Variants in VRK3 observed in about 807,000 individuals in gnomAD.
VRK3 encodes VRK serine/threonine kinase 3, also known as serine/threonine-protein kinase VRK3.
In VRK3, 50 loss-of-function variants were observed where a neutral mutation model predicts 60.4. The ratio of observed to expected loss-of-function variants is 0.83; its 90% confidence interval spans 0.66 to 1.05. The LOEUF (loss-of-function observed/expected upper bound fraction) is 1.05. Ranked by LOEUF, VRK3 falls within the 50% of genes least tolerant of loss-of-function variation. VRK3 has a pLI of 0.00. For missense variants in VRK3, 549 were observed against 585.3 expected (o/e 0.94, Z 0.64); for synonymous variants, 246 against 227.8 (o/e 1.08, Z -0.72).
intron 3 of VRK3, among the ~76,000 whole-genome samples, chr19:50,011,183 G>A (rs1332894288): frequency 6.6e-6 from 1 of 152,106 alleles, no homozygotes; most frequent in African/African-American, 2.4e-5. Context: ...ACAGCCCCAG[G>A]ACAAATAACA....
chr19:49,985,065 C>G (rs2076488943), intron 12 of VRK3, among the ~76,000 whole-genome samples: 1 of 152,124 alleles, frequency 6.6e-6, no homozygotes, highest in Non-Finnish European at 1.5e-5. Context: ...AGTGAACCCT[C>G]CCTCATGGAA....
chr19:50,006,657 G>A (rs58558256), intron 5 of VRK3, among the ~76,000 whole-genome samples: 7,991 of 152,194 alleles, frequency 0.053, 696 homozygotes, highest in African/African-American at 0.18. Flanking sequence ...TTACAGGCGT[G>A]AGCCACCGCG....
In VRK3 at chr19:50,000,990, G is replaced by A. The variant is rs180780678; in HGVS notation, c.548-136C>T. The A allele has an allele frequency of 1.0e-4, 74 of 710,040 alleles. No individual in the cohort carries two copies. The African/African-American group carries it at 1.2e-3, about 12-fold the overall frequency. The allele number at this position is 710,040 out of a possible 1,614,324, so 44.0% of individuals were successfully genotyped here. On this transcript the variant is annotated intron_variant, in intron 5 of 14. Coordinates refer to ENST00000316763, the MANE Select transcript of VRK3 (RefSeq NM_016440.4). ...GGTCAAGCGCACTCTTGGCTCTCACGACTTGCTGCTTCCTAGTTTTAAATA... is the reference window on the plus strand; with the variant it reads ...GGTCAAGCGCACTCTTGGCTCTCACAACTTGCTGCTTCCTAGTTTTAAATA...
At chr19:50,006,563 G>C (rs563937363) in intron 5 of VRK3, among the ~76,000 whole-genome samples, 110 of 152,046 alleles carry the variant, frequency 7.2e-4, no homozygotes, top group Middle Eastern at 3.4e-3. Context: ...TTTTAGTAGA[G>C]ACAGGGTTTC....
rs1048822644 is a variant in VRK3, at chr19:49,992,715, A to G, written c.963+145T>C. On this transcript the variant is annotated intron_variant, in intron 10 of 14. Coordinates refer to ENST00000316763, the MANE Select transcript of VRK3 (RefSeq NM_016440.4). ...TGTCCATTTTCCTACTAAGTTGCTT[A>G]TCTTATTTATTTGAAGGAGCTCTTT... 4.4e-6 allele frequency: 3 copies of G among 680,816 alleles called. No homozygotes were observed. The Admixed American group carries it at 8.1e-5, about 18-fold the overall frequency. The allele number at this position is 680,816 out of a possible 1,614,324, so 42.2% of individuals were successfully genotyped here.
rs776323496 is a variant in VRK3 at position 50,000,780 on chromosome 19, G to GT, written c.612+9_612+10insA. 8 of 1,611,216 alleles carry GT rather than the reference G, an allele frequency of 5.0e-6. No homozygotes were observed. The highest frequency in any genetic ancestry group is 5.9e-6 in the Non-Finnish European group (7 of 1,178,796). On this transcript the variant is annotated intron_variant, in intron 6 of 14. Coordinates refer to ENST00000316763, the MANE Select transcript of VRK3 (RefSeq NM_016440.4). The stretch of plus-strand genomic sequence containing the variant: ...CCTCCAAGCTGCCCCCCACCTGCAG[G>GT]GTCACTTACCAGTTTGAGTGAGAAC...
rs376706450 is a variant in VRK3 at position 49,989,634 on chromosome 19, C to T, written c.1096+5G>A. ...GCGGTCCCAAACCCATCCCTGGCCT[C>T]GTACCGCATCCCTTGTGCAGGTCCA... On this transcript the variant is annotated splice_donor_5th_base_variant and intron_variant, in intron 11 of 14. Coordinates refer to ENST00000316763, the MANE Select transcript of VRK3 (RefSeq NM_016440.4). 1.6e-5 allele frequency: 26 copies of T among 1,604,580 alleles called. No individual in the cohort carries two copies. The highest frequency in any genetic ancestry group is 6.7e-5 in the East Asian group (3 of 44,524).
At chr19:50,010,093 T>C (rs1050368197) in intron 3 of VRK3, among the ~76,000 whole-genome samples, 3 of 152,008 alleles carry the variant, frequency 2.0e-5, no homozygotes, top group Non-Finnish European at 2.9e-5. Flanking sequence ...CATACAATGA[T>C]TGTGTGTATA....
In VRK3 at chr19:49,992,943, G is replaced by A. The variant is rs763836129; in HGVS notation, c.880C>T (p.Leu294=). The change falls in exon 10 of 15, where the codon CTG becomes TTG. Residue 294 remains leucine (L), a synonymous_variant. Coordinates refer to ENST00000316763, the MANE Select transcript of VRK3 (RefSeq NM_016440.4). ...LQVACRLLDA[L]EFLHENEYVH... ...TACTCATTCTCATGGAGGAACTCCA[G>A]GGCATCCAGCTGGGGGAAGAAGCAA... 1.2e-6 allele frequency: 2 copies of A among 1,612,310 alleles called. No homozygotes were observed. Among genetic ancestry groups the A allele is most frequent in the Non-Finnish European group, 1.7e-6 (2 of 1,179,988 alleles).
At chr19:50,010,919 A>G (rs961089606) in intron 3 of VRK3, among the ~76,000 whole-genome samples, 2 of 152,106 alleles carry the variant, frequency 1.3e-5, no homozygotes, top group Middle Eastern at 3.4e-3. Context: ...TCTCAAAACA[A>G]AAACAAAAAC....
chr19:50,015,974 T>C (rs1469694), intron 3 of VRK3, 50 bp downstream of exon 3: 318,266 of 1,611,630 alleles, frequency 0.2, 33,450 homozygotes, highest in African/African-American at 0.34. Flanking sequence ...CACACACGTG[T>C]ATGCACCTTA....
At chr19:49,978,877 A>G (rs908079792) in intron 14 of VRK3, 9 of 468,662 alleles carry the variant, frequency 1.9e-5, no homozygotes, top group Non-Finnish European at 2.9e-5. Flanking sequence ...ACTTTTCTTA[A>G]AGCCAAGTTG....
intron 13 of VRK3, 115 bp downstream of exon 13, chr19:49,980,840 C>A (rs888543409): frequency 5.6e-6 from 5 of 886,578 alleles, no homozygotes; most frequent in Non-Finnish European, 8.6e-6. Context: ...ATTACAAATG[C>A]AATTTGGAAA....
chr19:50,024,303 A>G (rs912772748), intron 1 of VRK3, among the ~76,000 whole-genome samples: 3 of 152,234 alleles, frequency 2.0e-5, no homozygotes, highest in African/African-American at 4.8e-5. Context: ...GCAACTCTCC[A>G]TAAGTATATG....
At chr19:50,004,070 G>A (rs75665336) in intron 5 of VRK3, among the ~76,000 whole-genome samples, 6,022 of 152,278 alleles carry the variant, frequency 0.04, 232 homozygotes, top group Non-Finnish European at 0.05. Context: ...ACTGCTGAAG[G>A]AATGGATGAC....
chr19:49,992,474 C>A (rs1209010931), intron 10 of VRK3, among the ~76,000 whole-genome samples: 1 of 152,226 alleles, frequency 6.6e-6, no homozygotes, highest in Non-Finnish European at 1.5e-5. Context: ...AAAAGGGTTT[C>A]CCAATTCATG....
At chr19:49,990,811 G>T (rs891935891) in intron 10 of VRK3, among the ~76,000 whole-genome samples, 2 of 151,564 alleles carry the variant, frequency 1.3e-5, no homozygotes, top group African/African-American at 4.9e-5. Context: ...TTGAGACAGG[G>T]TCTCACTGGG....
At chr19:49,993,625 C>T (rs35032991) in intron 9 of VRK3, among the ~76,000 whole-genome samples, 26,791 of 152,130 alleles carry the variant, frequency 0.18, 2,586 homozygotes, top group East Asian at 0.34. Flanking sequence ...GTCTTGAACT[C>T]CTGAGCTCAA....
intron 12 of VRK3, among the ~76,000 whole-genome samples, chr19:49,985,136 TAG>T (rs768114808): frequency 1.3e-5 from 2 of 152,106 alleles, no homozygotes; most frequent in Non-Finnish European, 2.9e-5. Context: ...ACTAACCCAT[TAG>T]AGTGTGTGAG....
Sources: allele counts gnomAD v4.1 joint callset (sites outside exome capture counted in the v4.1 genomes callset), GRCh38; gene constraint gnomAD v4.1.1; transcripts MANE v1.5; gene names NCBI Gene and HGNC (gene_info 2026-07-23, HGNC 2026-07-21).